MCPH1: variants seen among roughly 807,000 people sequenced by gnomAD.
MCPH1 encodes the protein microcephalin.
Under a neutral mutation model 84.5 loss-of-function variants are expected in MCPH1, and 104 were observed. The observed-to-expected ratio is 1.23, with a 90% CI of 1.05 to 1.45. MCPH1 has a LOEUF of 1.45. Among genes scored for constraint, MCPH1 ranks in the 40% most tolerant of loss-of-function variants. The probability of loss-of-function intolerance (pLI) is 0.00; values close to 1 mark genes in which losing one functional copy is unlikely to be tolerated. For synonymous variants in MCPH1, 514 were observed against 366.8 expected (o/e 1.40, Z -4.58); for missense variants, 1,498 against 1,005.7 (o/e 1.49, Z -6.62).
intron 12 of MCPH1, chr8:6,508,809 G>A (rs1044786263): frequency 6.3e-5 from 83 of 1,325,462 alleles, no homozygotes; most frequent in Non-Finnish European, 8.5e-5. Context: ...TCAAGCTAGT[G>A]TGTCTACGTA....
In MCPH1 at chr8:6,414,831, G is replaced by A; in HGVS notation, c.181G>A (p.Asp61Asn). 7 of 1,613,746 alleles carry A rather than the reference G, an allele frequency of 4.3e-6. No individual in the cohort carries two copies. The highest frequency in any genetic ancestry group is 5.9e-6 in the Non-Finnish European group (7 of 1,179,870). The change falls in exon 3 of 14, where the codon GAC becomes AAC. Residue 61 changes from aspartate to asparagine, a missense_variant. Asp to Asn is a conservative substitution (Grantham distance 23). Coordinates refer to ENST00000344683, the MANE Select transcript of MCPH1 (RefSeq NM_024596.5). ...IFKDGYQSTW[D>N]KAQKRGVKLV... ...CAAAGATGGCTACCAGAGCACTTGGGACAAAGCTCAGAAGAGAGGCGTAAA... is the reference window on the plus strand; with the variant it reads ...CAAAGATGGCTACCAGAGCACTTGGAACAAAGCTCAGAAGAGAGGCGTAAA...
intron 12 of MCPH1, among the ~76,000 whole-genome samples, chr8:6,578,849 A>T (rs140301333): frequency 6.6e-6 from 1 of 152,250 alleles, no homozygotes; most frequent in Non-Finnish European, 1.5e-5. Flanking sequence ...GCTCCTTTGG[A>T]AGAGGTTCAA....
chr8:6,480,601 A>T, intron 10 of MCPH1, 113 bp from the exon 11 acceptor site: 1 of 1,137,380 alleles, frequency 8.8e-7, no homozygotes, highest in South Asian at 1.2e-5. Context: ...AACCAAAATC[A>T]GTTTCAAATT....
At chr8:6,488,510 G>C (rs1868555) in intron 11 of MCPH1, among the ~76,000 whole-genome samples, 93,194 of 152,060 alleles carry the variant, frequency 0.61, 31,048 homozygotes, top group East Asian at 0.78. Context: ...TAGAAATAAA[G>C]TTTGATCACC....
At chr8:6,475,414 C>G (rs898978911) in intron 9 of MCPH1, among the ~76,000 whole-genome samples, 2 of 152,242 alleles carry the variant, frequency 1.3e-5, no homozygotes, top group Non-Finnish European at 2.9e-5. Flanking sequence ...TCTGACCCCT[C>G]TCCAGTTTAT....
chr8:6,531,577 C>A (rs1171493862), intron 12 of MCPH1, among the ~76,000 whole-genome samples: 1 of 152,168 alleles, frequency 6.6e-6, no homozygotes. Flanking sequence ...CAGGCGTGAG[C>A]TACTGCGCCT....
intron 3 of MCPH1, among the ~76,000 whole-genome samples, chr8:6,420,592 T>C (rs1800031879): frequency 6.6e-6 from 1 of 152,116 alleles, no homozygotes. Flanking sequence ...CTCTACCTCA[T>C]CTTCTTATGG....
intron 10 of MCPH1, among the ~76,000 whole-genome samples, chr8:6,480,337 G>A (rs1381425852): frequency 1.3e-5 from 2 of 152,060 alleles, no homozygotes; most frequent in East Asian, 3.9e-4. Context: ...TGTTGGCTAG[G>A]CTGATCTTGA....
rs1809479897 is a variant in MCPH1, at chr8:6,483,494, A to G, written c.2136+2618A>G. ...CACAGAACAGACAGAGAATCCAGAAATAGACCCCCAAAATACATCCCATGG... is the reference window on the plus strand; with the variant it reads ...CACAGAACAGACAGAGAATCCAGAAGTAGACCCCCAAAATACATCCCATGG... On this transcript the variant is annotated intron_variant, in intron 11 of 13. Transcript: ENST00000344683. Among the ~76,000 whole-genome samples the G allele has an allele frequency of 2.0e-5, 3 of 152,262 alleles. No individual in the cohort carries two copies. The East Asian group carries it at 5.8e-4, about 29-fold the overall frequency.
chr8:6,576,037 TAATACAGCCTTA>T (rs1416771461), intron 12 of MCPH1, among the ~76,000 whole-genome samples: 19 of 56,014 alleles, frequency 3.4e-4, no homozygotes, highest in Non-Finnish European at 7.0e-5. Context: ...CCTAGCAAAC[TAATACAGCCTTA>T]AAAAAAAAAA....
intron 12 of MCPH1, among the ~76,000 whole-genome samples, chr8:6,522,781 A>AAG (rs1451626248): frequency 3.3e-5 from 5 of 151,938 alleles, no homozygotes; most frequent in African/African-American, 1.2e-4. Context: ...CTCAAAAAAA[A>AAG]AAAAGAAAAG....
chr8:6,442,351 G>GT lies in MCPH1; in HGVS notation c.670+203dup, dbSNP rs34324014. 0.69 allele frequency among the ~76,000 whole-genome samples: 104,825 copies of GT among 151,828 alleles called. 39,711 individuals carry two copies. Among genetic ancestry groups the GT allele is most frequent in the Non-Finnish European group, 0.83 (56,217 of 67,938 alleles). ...TAAACTTCCTTTTTGGTTCCTATAGGTTTTTTTTCCTAGGCATTTGCTTTC... is the reference window on the plus strand; with the variant it reads ...TAAACTTCCTTTTTGGTTCCTATAGGTTTTTTTTTCCTAGGCATTTGCTTTC... On this transcript the variant is annotated intron_variant, in intron 7 of 13. Coordinates refer to ENST00000344683, the MANE Select transcript of MCPH1 (RefSeq NM_024596.5).
rs1246343248 is a variant in MCPH1 at position 6,409,292 on chromosome 8, T to C, written c.36T>C (p.Tyr12=). ...AAPILKDVVA[Y]VEVWSSNGTE... Reference sequence around the variant, plus strand: ...TCTTGTTTTCAGATGTAGTGGCCTATGTTGAAGTGTGGTCATCCAATGGAA... The same window carrying C: ...TCTTGTTTTCAGATGTAGTGGCCTACGTTGAAGTGTGGTCATCCAATGGAA... The change falls in exon 2 of 14, where the codon TAT becomes TAC. Residue 12 remains tyrosine, a synonymous_variant. Coordinates refer to ENST00000344683, the MANE Select transcript of MCPH1 (RefSeq NM_024596.5). The C allele has an allele frequency of 2.5e-6, 4 of 1,613,496 alleles. No homozygotes were observed. Among genetic ancestry groups the C allele is most frequent in the Admixed American group, 1.7e-5 (1 of 60,010 alleles).
At chr8:6,510,071 CA>C (rs1370588357) in intron 12 of MCPH1, among the ~76,000 whole-genome samples, 3 of 151,880 alleles carry the variant, frequency 2.0e-5, no homozygotes, top group African/African-American at 7.3e-5. Context: ...AGCTGAATTG[CA>C]AAAATACGGC....
chr8:6,521,428 TGTTA>T (rs754117946), intron 12 of MCPH1: 223 of 1,535,920 alleles, frequency 1.5e-4, no homozygotes, highest in African/African-American at 7.8e-4. Flanking sequence ...GGAAAAGAAT[TGTTA>T]GTTAGTGAAG....
intron 11 of MCPH1, among the ~76,000 whole-genome samples, chr8:6,491,801 T>C (rs1810625606): frequency 6.6e-6 from 1 of 151,830 alleles, no homozygotes; most frequent in South Asian, 2.1e-4. Context: ...ACAAAGGACA[T>C]GAACTCATCA....
At chr8:6,421,964 C>G (rs991894056) in intron 3 of MCPH1, among the ~76,000 whole-genome samples, 4 of 152,220 alleles carry the variant, frequency 2.6e-5, no homozygotes, top group African/African-American at 9.6e-5. Flanking sequence ...GTAGTCAGCT[C>G]CTTTATACAT....
chr8:6,444,931 G>T lies in MCPH1; in HGVS notation c.1209G>T (p.Glu403Asp). ...AGCACGTGGCGGGACCTGCCCTGGA[G>T]GCTCTTAGCTGTGGGGAGTCTTCAT... Reference protein sequence around the residue: ...RLQHVAGPALEALSCGESSYD... With the variant: ...RLQHVAGPALDALSCGESSYD... Residue 403 changes from glutamate (E) to aspartate (D), a missense_variant, in exon 8 of 14, where the codon GAG (glutamate) becomes GAT (aspartate). Glu to Asp is a conservative substitution (Grantham distance 45). Transcript: ENST00000344683. 6.2e-7 allele frequency: 1 copy of T among 1,614,186 alleles called. No homozygotes were observed. Among genetic ancestry groups the T allele is most frequent in the Non-Finnish European group, 8.5e-7 (1 of 1,180,012 alleles).
chr8:6,413,868 C>G (rs928632419), intron 2 of MCPH1, among the ~76,000 whole-genome samples: 3 of 151,942 alleles, frequency 2.0e-5, no homozygotes, highest in Non-Finnish European at 2.9e-5. Flanking sequence ...GATTCTCCTG[C>G]CTCAGCCTCC....
Sources: gnomAD v4.1 joint callset for allele counts (sites outside exome capture counted in the v4.1 genomes callset) on GRCh38, gnomAD v4.1.1 for gene constraint, MANE v1.5 for transcripts, NCBI Gene and HGNC (gene_info 2026-07-23, HGNC 2026-07-21) for gene names.